GSE1: variants seen among roughly 807,000 people sequenced by gnomAD.
GSE1 encodes the protein Gse1 coiled-coil protein.
Under a neutral mutation model 112.6 loss-of-function variants are expected in GSE1, and 32 were observed. The ratio of observed to expected loss-of-function variants is 0.28; its 90% CI spans 0.21 to 0.38. The LOEUF (loss-of-function observed/expected upper bound fraction) is 0.38, where lower values mean the gene tolerates loss of function less well. Ranked by LOEUF, GSE1 falls within the 10% of genes least tolerant of loss-of-function variation. The probability of loss-of-function intolerance (pLI) is 1.00; values close to 1 mark genes in which losing one functional copy is unlikely to be tolerated. For synonymous variants in GSE1, 1,115 were observed against 735.6 expected (o/e 1.52, Z -8.35); for missense variants, 2,348 against 1,699.2 (o/e 1.38, Z -6.71).
intron 2 of GSE1, among the ~76,000 whole-genome samples, chr16:85,360,868 T>C (rs1164033857): frequency 6.7e-6 from 1 of 149,282 alleles, no homozygotes; most frequent in African/African-American, 2.5e-5. Flanking sequence ...CACACACACC[T>C]GCATAGATTT....
chr16:85,181,361 G>A (rs1307567498), intron 1 of GSE1, among the ~76,000 whole-genome samples: 3 of 152,230 alleles, frequency 2.0e-5, no homozygotes, highest in East Asian at 1.9e-4. Flanking sequence ...GGTGCCAGCC[G>A]TCATTGGCAG....
chr16:85,476,264 G>A (rs2050452514), intron 2 of GSE1, among the ~76,000 whole-genome samples: 1 of 152,170 alleles, frequency 6.6e-6, no homozygotes, highest in Admixed American at 6.5e-5. Context: ...TTAAGAACAC[G>A]ATGGGCTCCC....
At chr16:85,430,683 G>A (rs111999154) in intron 2 of GSE1, among the ~76,000 whole-genome samples, 4,927 of 152,336 alleles carry the variant, frequency 0.032, 151 homozygotes, top group Middle Eastern at 0.058. Context: ...CCCCAGGTAC[G>A]GGCTGGGCAC....
At chr16:85,429,693 G>GC (rs2049074771) in intron 2 of GSE1, among the ~76,000 whole-genome samples, 1 of 152,120 alleles carries the variant, frequency 6.6e-6, no homozygotes, top group African/African-American at 2.4e-5. Context: ...CCTCAGACCT[G>GC]CCCCAGGGCC....
intron 3 of GSE1, among the ~76,000 whole-genome samples, chr16:85,653,379 C>T (rs1441729592): frequency 7.2e-6 from 1 of 139,764 alleles, no homozygotes; most frequent in Non-Finnish European, 1.5e-5. Flanking sequence ...GCTCTGGTTT[C>T]TCCGGGCTGG....
upstream of GSE1, among the ~76,000 whole-genome samples, chr16:85,552,562 G>A (rs1468051593): frequency 1.3e-5 from 2 of 149,908 alleles, no homozygotes; most frequent in Middle Eastern, 3.2e-3. Context: ...TCGATCTCCT[G>A]ACCTCGTGAT....
At chr16:85,468,967 G>A (rs2050204723) in intron 2 of GSE1, among the ~76,000 whole-genome samples, 1 of 152,146 alleles carries the variant, frequency 6.6e-6, no homozygotes, top group Non-Finnish European at 1.5e-5. Flanking sequence ...ATTAAAGTGG[G>A]CCAGAGGCTG....
chr16:85,189,026 A>G (rs2074768048), intron 1 of GSE1, among the ~76,000 whole-genome samples: 1 of 152,080 alleles, frequency 6.6e-6, no homozygotes, highest in African/African-American at 2.4e-5. Context: ...TTATAGACAC[A>G]TTTCCCTGCA....
intron 2 of GSE1, among the ~76,000 whole-genome samples, chr16:85,417,510 C>A (rs927245026): frequency 6.6e-6 from 1 of 152,206 alleles, no homozygotes; most frequent in Admixed American, 6.5e-5. Flanking sequence ...AGAAGGGCCG[C>A]CCAGGTGTGT....
intron 1 of GSE1, among the ~76,000 whole-genome samples, chr16:85,184,128 C>T (rs1025335252): frequency 6.6e-6 from 1 of 152,204 alleles, no homozygotes; most frequent in Admixed American, 6.5e-5. Flanking sequence ...TTCTGAGGAT[C>T]CTCTGCAGCT....
At chr16:85,180,076 C>G (rs1370542720) in intron 1 of GSE1, among the ~76,000 whole-genome samples, 1 of 152,254 alleles carries the variant, frequency 6.6e-6, no homozygotes, top group Non-Finnish European at 1.5e-5. Flanking sequence ...CTCTGTGAGC[C>G]CATGGCTCTC....
chr16:85,253,467 C>A (rs1462635337), intron 1 of GSE1, among the ~76,000 whole-genome samples: 2 of 152,232 alleles, frequency 1.3e-5, no homozygotes, highest in African/African-American at 4.8e-5. Flanking sequence ...CCTCTGCTGT[C>A]TCCACCTGGG....
At chr16:85,351,606 A>G (rs1166916924) in intron 1 of GSE1, among the ~76,000 whole-genome samples, 1 of 152,242 alleles carries the variant, frequency 6.6e-6, no homozygotes, top group Non-Finnish European at 1.5e-5. Flanking sequence ...ATGGTTACAC[A>G]GCTTGTACAT....
At chr16:85,416,741 G>T (rs1423537807) in intron 2 of GSE1, among the ~76,000 whole-genome samples, 2 of 152,260 alleles carry the variant, frequency 1.3e-5, no homozygotes, top group African/African-American at 4.8e-5. Context: ...GGTTCCCTGG[G>T]TCACGGCTGA....
chr16:85,560,773 G>T (rs769422868), intron 1 of GSE1, among the ~76,000 whole-genome samples: 2 of 152,062 alleles, frequency 1.3e-5, no homozygotes, highest in Non-Finnish European at 2.9e-5. Context: ...GGCGCAGACT[G>T]GGTGTCTCCT....
upstream of GSE1, among the ~76,000 whole-genome samples, chr16:85,612,632 C>T (rs952118352): frequency 7.0e-5 from 10 of 143,462 alleles, no homozygotes; most frequent in African/African-American, 2.1e-4. Flanking sequence ...GGTGGGGTGC[C>T]TTATGGAATT....
intron 2 of GSE1, among the ~76,000 whole-genome samples, chr16:85,515,429 T>C (rs1184542378): frequency 6.6e-6 from 1 of 152,324 alleles, no homozygotes; most frequent in Non-Finnish European, 1.5e-5. Context: ...AACTGCTTCT[T>C]TAGCTTCGGG....
chr16:85,645,439 C>G (rs2050774139), intron 2 of GSE1, among the ~76,000 whole-genome samples: 1 of 152,120 alleles, frequency 6.6e-6, no homozygotes, highest in Admixed American at 6.5e-5. Context: ...GCCCAGGAAA[C>G]CACATTAAAG....
At chr16:85,513,319 C>T (rs1036268027) in intron 2 of GSE1, among the ~76,000 whole-genome samples, 6 of 152,292 alleles carry the variant, frequency 3.9e-5, no homozygotes, top group African/African-American at 1.2e-4. Context: ...GGTTCCTCCT[C>T]TCCCAGCTCA....
Sources: gnomAD v4.1 joint callset for allele counts (sites outside exome capture counted in the v4.1 genomes callset) on GRCh38, gnomAD v4.1.1 for gene constraint, MANE v1.5 for transcripts, NCBI Gene and HGNC (gene_info 2026-07-23, HGNC 2026-07-21) for gene names.